The following VEPH1 variants were observed in gnomAD, a reference collection of about 807,000 sequenced individuals.
The protein encoded by VEPH1 is ventricular zone expressed PH domain containing 1.
Under a neutral mutation model 85.2 loss-of-function variants are expected in VEPH1, and 80 were observed. The observed-to-expected ratio is 0.94, with a 90% CI of 0.78 to 1.13. The LOEUF is 1.13. VEPH1 is among the 50% of genes most tolerant of loss of function. The probability of loss-of-function intolerance (pLI) is 0.00; values close to 1 mark genes in which losing one functional copy is unlikely to be tolerated. For synonymous variants in VEPH1, 297 were observed against 348.0 expected (o/e 0.85, Z 1.63); for missense variants, 955 against 980.5 (o/e 0.97, Z 0.35).
intron 3 of VEPH1, among the ~76,000 whole-genome samples, chr3:157,468,942 C>T: frequency 6.6e-6 from 1 of 152,076 alleles, no homozygotes. Context: ...TTGTGGCTTG[C>T]ATTAGATTTC....
chr3:157,492,348 T>G (rs1455974789), intron 2 of VEPH1, among the ~76,000 whole-genome samples: 2 of 152,226 alleles, frequency 1.3e-5, no homozygotes, highest in Admixed American at 6.5e-5. Flanking sequence ...CATCGTGTTT[T>G]AATCTAATTT....
At chr3:157,432,410 A>C (rs1175373981) in intron 4 of VEPH1, among the ~76,000 whole-genome samples, 3 of 152,024 alleles carry the variant, frequency 2.0e-5, no homozygotes, top group African/African-American at 7.2e-5. Context: ...ATATTCTCCT[A>C]TATTTTCTCT....
chr3:157,460,668 G>A (rs1423219791), intron 3 of VEPH1, among the ~76,000 whole-genome samples: 1 of 152,186 alleles, frequency 6.6e-6, no homozygotes, highest in East Asian at 1.9e-4. Context: ...TCCTGGAGGG[G>A]GTAATGTCTT....
chr3:157,323,499 A>G lies in VEPH1; in HGVS notation c.1736-6298T>C, dbSNP rs763982028. 2.6e-5 allele frequency among the ~76,000 whole-genome samples: 4 copies of G among 152,354 alleles called. 1 individual carries two copies. The Middle Eastern group carries it at 0.014, about 518-fold the overall frequency. ...GTGTTTACTAAGTTCTATTTACAACAGTATTAGTTGAGAAATATGTGTTCC... is the reference window on the plus strand; with the variant it reads ...GTGTTTACTAAGTTCTATTTACAACGGTATTAGTTGAGAAATATGTGTTCC... On this transcript the variant is annotated intron_variant, in intron 9 of 13. Coordinates refer to ENST00000362010, the MANE Select transcript of VEPH1 (RefSeq NM_001167912.2).
intron 6 of VEPH1, chr3:157,409,941 G>C (rs1441325476): frequency 2.0e-6 from 2 of 984,956 alleles, no homozygotes; most frequent in Middle Eastern, 5.2e-4. Context: ...GGTATGCTCT[G>C]ATAAGTCATA....
intron 2 of VEPH1, among the ~76,000 whole-genome samples, chr3:157,475,871 G>C (rs921087073): frequency 5.9e-5 from 9 of 152,186 alleles, no homozygotes; most frequent in African/African-American, 2.2e-4. Flanking sequence ...CAAGAGAAAT[G>C]GCTTGGCTGA....
At chr3:157,300,519 T>C (rs1232345645) in intron 11 of VEPH1, among the ~76,000 whole-genome samples, 2 of 152,182 alleles carry the variant, frequency 1.3e-5, no homozygotes, top group African/African-American at 4.8e-5. Context: ...TCTATGCCAA[T>C]TTAAATTTGT....
intron 4 of VEPH1, among the ~76,000 whole-genome samples, chr3:157,456,638 C>T (rs1361723643): frequency 1.3e-5 from 2 of 152,084 alleles, no homozygotes; most frequent in East Asian, 3.9e-4. Flanking sequence ...AGTCTTTTGC[C>T]CATTGCTTGT....
intron 9 of VEPH1, among the ~76,000 whole-genome samples, chr3:157,339,524 G>A (rs754863729): frequency 4.6e-5 from 7 of 152,136 alleles, no homozygotes; most frequent in South Asian, 2.1e-4. Flanking sequence ...AAAGGTAGCT[G>A]AGGGCTCCAC....
At position 157,468,600 on chromosome 3, in the gene VEPH1, TAAC is replaced by T. The variant is rs1560087651; in HGVS notation, c.354+1711_354+1713del. Among the ~76,000 whole-genome samples the T allele has an allele frequency of 2.0e-5, 3 of 151,998 alleles. No individual in the cohort carries two copies. The East Asian group carries it at 5.8e-4, about 29-fold the overall frequency. ...AAAATAATAATAATAATAATGATAA[TAAC>T]AACAATAATAATAGTAAATAAATAA... On this transcript the variant is annotated intron_variant, in intron 3 of 13. Transcript: ENST00000362010.
chr3:157,442,948 A>G (rs376196578), intron 4 of VEPH1: 11 of 1,612,976 alleles, frequency 6.8e-6, no homozygotes. Context: ...ACAGAGATCC[A>G]GCCACATGGA....
chr3:157,489,370 A>G (rs1739001806), intron 2 of VEPH1: 4 of 345,878 alleles, frequency 1.2e-5, no homozygotes, highest in Admixed American at 7.3e-5. Context: ...CTTCTGCCTG[A>G]AATGATTTTC....
intron 11 of VEPH1, among the ~76,000 whole-genome samples, chr3:157,298,514 A>T (rs1047216009): frequency 6.6e-6 from 1 of 152,168 alleles, no homozygotes; most frequent in Non-Finnish European, 1.5e-5. Flanking sequence ...CGCCCCAAGG[A>T]CACTTGCATA....
chr3:157,404,864 C>A (rs1483996779), intron 6 of VEPH1, among the ~76,000 whole-genome samples: 1 of 152,182 alleles, frequency 6.6e-6, no homozygotes, highest in Non-Finnish European at 1.5e-5. Flanking sequence ...CTTAAAAGAG[C>A]AGCAGGAGTT....
At position 157,442,675 on chromosome 3, in the gene VEPH1, C is replaced by T. The variant is rs767120397; in HGVS notation, c.530-14187G>A. The T allele has an allele frequency of 3.7e-6, 6 of 1,614,088 alleles. No homozygotes were observed. In the African/African-American group the frequency reaches 8.0e-5, roughly 22 times the overall value. ...ACCTGGAATTCAGAGGAAGGGCTCA[C>T]ATCCTTGTGGGTAAATGGTGAACTG... On this transcript the variant is annotated intron_variant, in intron 4 of 13. Coordinates refer to ENST00000362010, the MANE Select transcript of VEPH1 (RefSeq NM_001167912.2).
chr3:157,338,857 C>A (rs916170058), intron 9 of VEPH1, among the ~76,000 whole-genome samples: 1 of 152,200 alleles, frequency 6.6e-6, no homozygotes, highest in African/African-American at 2.4e-5. Flanking sequence ...AGACTTGTCC[C>A]TTGCTCCTCA....
At chr3:157,313,876 G>A in intron 10 of VEPH1, 121 bp from the exon 11 acceptor site, 1 of 1,230,584 alleles carries the variant, frequency 8.1e-7, no homozygotes, top group South Asian at 1.5e-5. Context: ...AATTTTAAAT[G>A]AAACAAGAAA....
intron 7 of VEPH1, among the ~76,000 whole-genome samples, chr3:157,380,905 A>C (rs1728684524): frequency 6.6e-6 from 1 of 152,256 alleles, no homozygotes; most frequent in Non-Finnish European, 1.5e-5. Context: ...GGTGCTATAA[A>C]ATATTACTTG....
rs758495924 is a variant in VEPH1 at position 157,272,375 on chromosome 3, T to TTTTCTTTCTTTCTTTC, written c.2129-6729_2129-6714dup. Among the ~76,000 whole-genome samples, 412 of 95,016 alleles carry TTTTCTTTCTTTCTTTC rather than the reference T, an allele frequency of 4.3e-3. 7 individuals carry two copies. Among genetic ancestry groups the TTTTCTTTCTTTCTTTC allele is most frequent in the Middle Eastern group, 9.5e-3 (2 of 210 alleles). The allele number at this position is 95,016 out of a possible 152,430, so 62.3% of individuals were successfully genotyped here. On this transcript the variant is annotated intron_variant, in intron 12 of 13. Coordinates refer to ENST00000362010, the MANE Select transcript of VEPH1 (RefSeq NM_001167912.2). ...CTCTCTCTTTCTTTCTTTCTCTTTC[T>TTTTCTTTCTTTCTTTC]TTTCTTTCTTTCTTTCTTTCTTTCT...
Sources: gnomAD v4.1 joint callset for allele counts (sites outside exome capture counted in the v4.1 genomes callset) on GRCh38, gnomAD v4.1.1 for gene constraint, MANE v1.5 for transcripts, NCBI Gene and HGNC (gene_info 2026-07-23, HGNC 2026-07-21) for gene names.